PLS1: variants seen among roughly 807,000 people sequenced by gnomAD.
The protein encoded by PLS1 is plastin-1.
A neutral mutation model predicts 73.7 loss-of-function variants in PLS1; 32 were observed. That is an observed-to-expected ratio of 0.43 (90% CI 0.33 to 0.58). PLS1 has a LOEUF of 0.58. Among genes scored for constraint, PLS1 ranks in the 20% least tolerant of loss-of-function variants. The pLI, the probability that PLS1 is intolerant of heterozygous loss-of-function variation, is 0.04. For synonymous variants in PLS1, 217 were observed against 261.3 expected (o/e 0.83, Z 1.63); for missense variants, 633 against 740.5 (o/e 0.85, Z 1.68).
At position 142,698,227 on chromosome 3, in the gene PLS1, T is replaced by C. The variant is rs940072764; in HGVS notation, c.1371+160T>C. The C allele has an allele frequency of 2.4e-5, 13 of 546,028 alleles. No individual in the cohort carries two copies. The African/African-American group carries it at 2.5e-4, about 11-fold the overall frequency. The allele number at this position is 546,028 out of a possible 1,614,324, so 33.8% of individuals were successfully genotyped here. On this transcript the variant is annotated intron_variant, in intron 12 of 15. Transcript: ENST00000457734. Reference sequence around the variant, plus strand: ...TTTTACAAGTTTGCTTTAATAAATTTGAAGATGAAGGCAATCCCTCTAGTC... The same window carrying C: ...TTTTACAAGTTTGCTTTAATAAATTCGAAGATGAAGGCAATCCCTCTAGTC...
chr3:142,673,181 G>A (rs1263827659), intron 4 of PLS1, among the ~76,000 whole-genome samples: 1 of 151,964 alleles, frequency 6.6e-6, no homozygotes, highest in Non-Finnish European at 1.5e-5. Context: ...GCATAACCAT[G>A]CCTCCCAAAT....
chr3:142,684,641 A>G (rs1301294983), intron 8 of PLS1, among the ~76,000 whole-genome samples: 1 of 152,232 alleles, frequency 6.6e-6, no homozygotes, highest in African/African-American at 2.4e-5. Context: ...TGCTAGCCTC[A>G]ACAGATTAAA....
intron 4 of PLS1, among the ~76,000 whole-genome samples, chr3:142,675,477 G>T (rs1045068473): frequency 6.6e-6 from 1 of 151,828 alleles, no homozygotes; most frequent in East Asian, 1.9e-4. Flanking sequence ...CTGCCTCCTG[G>T]GTTCATGTCA....
At chr3:142,683,485 CAG>C (rs958347227) in intron 6 of PLS1, among the ~76,000 whole-genome samples, 8 of 152,090 alleles carry the variant, frequency 5.3e-5, no homozygotes, top group Admixed American at 3.9e-4. Flanking sequence ...GCTTGGGTGA[CAG>C]AGTGAGACTC....
chr3:142,675,237 C>T (rs979404603), intron 4 of PLS1, among the ~76,000 whole-genome samples: 72 of 152,160 alleles, frequency 4.7e-4, no homozygotes, highest in African/African-American at 1.5e-3. Context: ...ATTTGACCTC[C>T]GATGGTCTGC....
At chr3:142,651,730 T>A (rs1006123484) in intron 1 of PLS1, among the ~76,000 whole-genome samples, 1 of 152,196 alleles carries the variant, frequency 6.6e-6, no homozygotes, top group African/African-American at 2.4e-5. Context: ...CTTAATAGAC[T>A]GAAGGACTCA....
At chr3:142,676,098 T>C in intron 4 of PLS1, 59 bp from the exon 5 acceptor site, 5 of 1,444,798 alleles carry the variant, frequency 3.5e-6, no homozygotes, top group Non-Finnish European at 4.8e-6. Context: ...TATGTATGTT[T>C]TTATAGTGCA....
intron 2 of PLS1, among the ~76,000 whole-genome samples, chr3:142,665,219 G>T (rs1346291633): frequency 6.7e-6 from 1 of 148,488 alleles, no homozygotes; most frequent in East Asian, 2.0e-4. Flanking sequence ...TAAAATTAAT[G>T]TGAGTAAAAT....
chr3:142,605,777 G>T (rs185673937), intron 1 of PLS1, among the ~76,000 whole-genome samples: 89 of 152,256 alleles, frequency 5.8e-4, no homozygotes, highest in African/African-American at 2.0e-3. Flanking sequence ...ATTAAAATGA[G>T]TTCTTGAAAT....
chr3:142,687,972 G>T (rs2038008061), intron 9 of PLS1, among the ~76,000 whole-genome samples: 2 of 149,238 alleles, frequency 1.3e-5, no homozygotes, highest in African/African-American at 4.9e-5. Context: ...TTTTTAGATG[G>T]AGTCTTGCTC....
chr3:142,670,136 A>G (rs1238120634), intron 3 of PLS1, among the ~76,000 whole-genome samples: 1 of 152,188 alleles, frequency 6.6e-6, no homozygotes, highest in Non-Finnish European at 1.5e-5. Context: ...TAACCCAGGG[A>G]CTCAGGGAAG....
At chr3:142,622,206 A>G (rs892478920) in intron 1 of PLS1, among the ~76,000 whole-genome samples, 2 of 152,246 alleles carry the variant, frequency 1.3e-5, no homozygotes, top group African/African-American at 4.8e-5. Flanking sequence ...CTTCTTCAAT[A>G]CAGATGTCCT....
At chr3:142,606,523 C>T (rs1009234196) in intron 1 of PLS1, among the ~76,000 whole-genome samples, 12 of 152,134 alleles carry the variant, frequency 7.9e-5, no homozygotes, top group African/African-American at 2.9e-4. Flanking sequence ...TACAATTCTC[C>T]AATTTAAACT....
At chr3:142,634,659 AAG>A (rs2036638680) in intron 1 of PLS1, among the ~76,000 whole-genome samples, 1 of 152,188 alleles carries the variant, frequency 6.6e-6, no homozygotes, top group Non-Finnish European at 1.5e-5. Flanking sequence ...TTCAAAAAAA[AAG>A]ATGAAATTAA....
rs1423635231 is a variant in PLS1 at position 142,713,309 on chromosome 3, C to T, written c.*1302C>T. The T allele has an allele frequency of 6.6e-6, 1 of 152,560 alleles. No homozygotes were observed. Among genetic ancestry groups the T allele is most frequent in the Admixed American group, 6.5e-5 (1 of 15,284 alleles). The allele number at this position is 152,560 out of a possible 1,614,324, so 9.5% of individuals were successfully genotyped here. On this transcript the variant is annotated 3_prime_UTR_variant, in exon 16 of 16. Coordinates refer to ENST00000457734, the MANE Select transcript of PLS1 (RefSeq NM_001145319.2). ...TTGTGCAACAAAAATGTCACTTTATCTCAGTGTGAATGAGTAGTCTAAATT... is the reference window on the plus strand; with the variant it reads ...TTGTGCAACAAAAATGTCACTTTATTTCAGTGTGAATGAGTAGTCTAAATT...
At chr3:142,636,545 G>A (rs1259761302) in intron 1 of PLS1, among the ~76,000 whole-genome samples, 1 of 152,202 alleles carries the variant, frequency 6.6e-6, no homozygotes, top group Non-Finnish European at 1.5e-5. Context: ...AACGCCAAAA[G>A]CATGGTCTAT....
intron 8 of PLS1, 57 bp downstream of exon 8, chr3:142,684,452 T>C (rs1046949834): frequency 2.1e-5 from 29 of 1,402,040 alleles, no homozygotes; most frequent in Admixed American, 3.9e-5. Context: ...AGTGTAAAAA[T>C]AAAAGGGGTT....
At position 142,642,184 on chromosome 3, in the gene PLS1, T is replaced by C. The variant is rs558706733; in HGVS notation, c.-36-22018T>C. ...GCACAGGTGTATACTTTAAACAAAG[T>C]TGGGAATATACTATACTTACTGATA... On this transcript the variant is annotated intron_variant, in intron 1 of 15. Coordinates refer to ENST00000457734, the MANE Select transcript of PLS1 (RefSeq NM_001145319.2). Among the ~76,000 whole-genome samples the C allele has an allele frequency of 2.6e-5, 4 of 152,288 alleles. No individual in the cohort carries two copies. In the East Asian group the frequency reaches 5.8e-4, roughly 22 times the overall value.
At chr3:142,668,377 G>T (rs949451475) in intron 2 of PLS1, among the ~76,000 whole-genome samples, 2 of 152,102 alleles carry the variant, frequency 1.3e-5, no homozygotes, top group East Asian at 1.9e-4. Context: ...TTCAGCATAC[G>T]TAATGGTATC....
Sources: gnomAD v4.1 joint callset for allele counts (sites outside exome capture counted in the v4.1 genomes callset) on GRCh38, gnomAD v4.1.1 for gene constraint, MANE v1.5 for transcripts, NCBI Gene and HGNC (gene_info 2026-07-23, HGNC 2026-07-21) for gene names.